Variants in CDH26 observed in about 807,000 individuals in gnomAD.
CDH26 encodes the protein cadherin 26.
CDH26 carries 83 observed loss-of-function variants against 90.3 expected under a neutral mutation model. The observed-to-expected ratio is 0.92, with a 90% confidence interval of 0.77 to 1.10. The LOEUF (loss-of-function observed/expected upper bound fraction) is 1.10. Ranked by LOEUF, CDH26 falls within the 50% of genes least tolerant of loss-of-function variation. The pLI, the probability that CDH26 is intolerant of heterozygous loss-of-function variation, is 0.00. For synonymous variants in CDH26, 397 were observed against 396.3 expected, an observed-to-expected ratio of 1.00 and a Z score of -0.02; for missense variants, 1,013 against 1,037.6, an observed-to-expected ratio of 0.98 and a Z score of 0.33.
intron 16 of CDH26, among the ~76,000 whole-genome samples, chr20:60,004,621 C>T (rs1053987489): frequency 2.6e-5 from 4 of 151,920 alleles, no homozygotes; most frequent in African/African-American, 9.7e-5. Context: ...AAAAAATTAA[C>T]TGGACGTGGT....
At chr20:59,964,831 C>T (rs1416223603) in intron 1 of CDH26, among the ~76,000 whole-genome samples, 1 of 152,102 alleles carries the variant, frequency 6.6e-6, no homozygotes, top group Admixed American at 6.5e-5. Flanking sequence ...TTGAAAGAGC[C>T]CTTAAAGACA....
At chr20:60,021,916 A>ATATATATATATATATCTATATC (rs1261005381) in intron 7 of CDH26, among the ~76,000 whole-genome samples, 1 of 96,074 alleles carries the variant, frequency 1.0e-5, no homozygotes, top group Non-Finnish European at 2.5e-5. Context: ...ATATATATAT[A>ATATATATATATATATCTATATC]TCCTGACTAT....
At chr20:60,024,960 C>G (rs1246861167) in intron 7 of CDH26, among the ~76,000 whole-genome samples, 2 of 152,222 alleles carry the variant, frequency 1.3e-5, no homozygotes, top group Non-Finnish European at 1.5e-5. Context: ...GTGCGCCCTC[C>G]TCTGCCTCTC....
chr20:59,985,277 G>T (rs1461705061), intron 7 of CDH26, 148 bp downstream of exon 7: 2 of 1,011,698 alleles, frequency 2.0e-6, no homozygotes. Flanking sequence ...AAGAAAAGAG[G>T]TTTAATTGGC....
At chr20:60,004,350 T>C (rs1310545083) in intron 16 of CDH26, among the ~76,000 whole-genome samples, 1 of 152,210 alleles carries the variant, frequency 6.6e-6, no homozygotes, top group Non-Finnish European at 1.5e-5. Context: ...CAAACCTAAA[T>C]GGTGTAGCCT....
chr20:59,991,059 G>A (rs538600310), intron 9 of CDH26, among the ~76,000 whole-genome samples: 13 of 152,078 alleles, frequency 8.5e-5, no homozygotes, highest in African/African-American at 2.7e-4. Context: ...TAGTAGAGAC[G>A]GGGTTTTGCC....
rs768562324 is a variant in CDH26, at chr20:60,012,739, G to A, written c.*9G>A. The A allele has an allele frequency of 5.0e-6, 8 of 1,599,306 alleles. No homozygotes were observed. The highest frequency in any genetic ancestry group is 6.8e-6 in the Non-Finnish European group (8 of 1,168,684). On this transcript the variant is annotated 3_prime_UTR_variant, in exon 18 of 18. Transcript: ENST00000348616. ...CAGGTGTTCCTTCCTAAAAAAAAAA[G>A]TCTATTTTGGAGAATTGAAATAATT... is the stretch of plus-strand genomic sequence containing the variant.
chr20:59,984,700 A>T lies in CDH26; in HGVS notation c.603A>T (p.Gln201His). Residue 201 changes from glutamine (Q) to histidine (H), a missense_variant, in exon 6 of 18, where the codon CAA (glutamine) becomes CAT (histidine). Physicochemically the swap from Gln to His is conservative, Grantham distance 24. Transcript: ENST00000348616. ...ATGAAGAAAACACTCCAAATTCTCA[A>T]GTCCTTTACTTCCTCATTTCTCAAA... ...DLDEENTPNSQVLYFLISQTP... is the reference protein window; with the variant it reads ...DLDEENTPNSHVLYFLISQTP... 6.2e-7 allele frequency: 1 copy of T among 1,613,916 alleles called. No homozygotes were observed. Among genetic ancestry groups the T allele is most frequent in the Non-Finnish European group, 8.5e-7 (1 of 1,179,884 alleles).
rs769668938 is a variant in CDH26 at position 59,999,698 on chromosome 20, G to C, written c.2097+35G>C. On this transcript the variant is annotated intron_variant, in intron 14 of 17. Coordinates refer to ENST00000348616, the MANE Select transcript of CDH26 (RefSeq NM_177980.4). Reference sequence around the variant, plus strand: ...CCCTTACTTGCTTCTGGATTTCAGAGAAGTGACTTTCCTGGTGGTTTCCCT... The same window carrying C: ...CCCTTACTTGCTTCTGGATTTCAGACAAGTGACTTTCCTGGTGGTTTCCCT... 41 of 1,600,154 alleles carry C rather than the reference G, an allele frequency of 2.6e-5. 1 individual carries two copies. In the East Asian group the frequency reaches 9.2e-4, roughly 36 times the overall value.
chr20:60,027,906 A>G (rs2062011211), intron 7 of CDH26, among the ~76,000 whole-genome samples: 1 of 152,214 alleles, frequency 6.6e-6, no homozygotes, highest in Non-Finnish European at 1.5e-5. Context: ...ATTCACATGC[A>G]TTTGTAACAG....
At chr20:59,987,386 C>T in intron 7 of CDH26, 67 bp from the exon 8 acceptor site, 2 of 1,318,320 alleles carry the variant, frequency 1.5e-6, no homozygotes, top group Non-Finnish European at 2.1e-6. Context: ...TCCCTCCTTC[C>T]TCTCTGCTTT....
chr20:59,971,221 A>C (rs763364135), intron 3 of CDH26, among the ~76,000 whole-genome samples: 14 of 152,202 alleles, frequency 9.2e-5, no homozygotes, highest in Non-Finnish European at 1.8e-4. Flanking sequence ...TAAAGAGTAC[A>C]GAAAGTTTTC....
chr20:60,004,289 T>C (rs538378282), intron 16 of CDH26, among the ~76,000 whole-genome samples: 10 of 152,290 alleles, frequency 6.6e-5, no homozygotes, highest in Admixed American at 6.5e-4. Flanking sequence ...TTCTGAGAAA[T>C]GTGTTGTTAG....
chr20:59,971,319 A>C (rs976371412), intron 3 of CDH26, among the ~76,000 whole-genome samples: 19 of 152,162 alleles, frequency 1.2e-4, no homozygotes, highest in African/African-American at 3.4e-4. Flanking sequence ...CTTGCTGGGT[A>C]AGTTAGAGAT....
chr20:60,024,740 T>C (rs2061983029), intron 7 of CDH26, among the ~76,000 whole-genome samples: 1 of 152,178 alleles, frequency 6.6e-6, no homozygotes, highest in Non-Finnish European at 1.5e-5. Flanking sequence ...AACTACTATC[T>C]CCCCACCCAC....
intron 7 of CDH26, among the ~76,000 whole-genome samples, chr20:60,020,056 G>T (rs2061940081): frequency 6.6e-6 from 1 of 152,206 alleles, no homozygotes; most frequent in Non-Finnish European, 1.5e-5. Flanking sequence ...GGGCTCATTG[G>T]TTTGTTTCTT....
chr20:60,009,543 C>A (rs146520498), intron 17 of CDH26, among the ~76,000 whole-genome samples: 4 of 152,152 alleles, frequency 2.6e-5, no homozygotes, highest in Non-Finnish European at 4.4e-5. Context: ...GTTCCAGCCG[C>A]GGGCCCCCCT....
intron 14 of CDH26, among the ~76,000 whole-genome samples, 172 bp from the exon 15 acceptor site, chr20:60,001,171 C>G (rs1482897475): frequency 6.6e-6 from 1 of 152,204 alleles, no homozygotes; most frequent in Non-Finnish European, 1.5e-5. Flanking sequence ...CATTCCCTGC[C>G]TCTCTTCATT....
chr20:59,996,257 C>G, intron 12 of CDH26: 1 of 1,105,544 alleles, frequency 9.0e-7, no homozygotes. Context: ...CCAGCAAAAG[C>G]AGCTTCTACT....
Sources: allele counts gnomAD v4.1 joint callset (sites outside exome capture counted in the v4.1 genomes callset), GRCh38; gene constraint gnomAD v4.1.1; transcripts MANE v1.5; gene names NCBI Gene and HGNC (gene_info 2026-07-23, HGNC 2026-07-21).